Variants in FHIT observed in about 807,000 individuals in gnomAD.
FHIT encodes bis(5'-adenosyl)-triphosphatase.
In FHIT, 19 loss-of-function variants were observed where a neutral mutation model predicts 17.9. The observed-to-expected ratio is 1.06, with a 90% confidence interval of 0.74 to 1.56. FHIT has a LOEUF of 1.56. Among genes scored for constraint, FHIT ranks in the 40% most tolerant of loss-of-function variants. FHIT has a pLI of 0.00. For synonymous variants in FHIT, 81 were observed against 69.7 expected (o/e 1.16, Z -0.81); for missense variants, 248 against 189.2 (o/e 1.31, Z -1.82).
intron 5 of FHIT, among the ~76,000 whole-genome samples, chr3:60,133,105 G>A (rs907930075): frequency 2.0e-5 from 3 of 152,044 alleles, no homozygotes; most frequent in Non-Finnish European, 2.9e-5. Flanking sequence ...ATGGAAATCC[G>A]GTGGTCTTTA....
rs187454408 is a variant in FHIT at position 61,223,454 on chromosome 3, C to G, written c.-212-22789G>C. 1.5e-4 allele frequency among the ~76,000 whole-genome samples: 23 copies of G among 152,356 alleles called. No homozygotes were observed. The East Asian group carries it at 4.0e-3, about 27-fold the overall frequency. ...AAACTGTCCTCATTTCATGTGCGAG[C>G]TCAAAGTTAAATACTTACTGCCCCT... On this transcript the variant is annotated intron_variant, in intron 1 of 9. Transcript: ENST00000492590.
chr3:60,410,137 C>T (rs1702010238), intron 5 of FHIT, among the ~76,000 whole-genome samples: 1 of 151,976 alleles, frequency 6.6e-6, no homozygotes, highest in African/African-American at 2.4e-5. Context: ...AAAGTGATGC[C>T]ACGTTTTGAT....
chr3:61,107,424 A>C (rs1194938943), intron 2 of FHIT, among the ~76,000 whole-genome samples: 1 of 152,208 alleles, frequency 6.6e-6, no homozygotes, highest in Non-Finnish European at 1.5e-5. Context: ...GAATAATGCT[A>C]CAATAAACAT....
intron 4 of FHIT, among the ~76,000 whole-genome samples, chr3:60,727,118 C>G (rs1397313817): frequency 3.9e-5 from 6 of 152,038 alleles, no homozygotes; most frequent in Non-Finnish European, 8.8e-5. Flanking sequence ...CTTTATCATT[C>G]TTAAATAAAA....
intron 5 of FHIT, among the ~76,000 whole-genome samples, chr3:60,337,710 A>C (rs1197145842): frequency 6.6e-6 from 1 of 152,154 alleles, no homozygotes; most frequent in African/African-American, 2.4e-5. Flanking sequence ...CCTGGGAGAG[A>C]GTACTGAAAT....
chr3:59,886,015 G>A (rs547713082), intron 8 of FHIT, among the ~76,000 whole-genome samples: 2 of 152,306 alleles, frequency 1.3e-5, no homozygotes, highest in Non-Finnish European at 2.9e-5. Context: ...AGACACATTT[G>A]GGGAACACCA....
At chr3:60,130,476 C>G (rs750570483) in intron 5 of FHIT, among the ~76,000 whole-genome samples, 3 of 151,986 alleles carry the variant, frequency 2.0e-5, no homozygotes, top group African/African-American at 7.2e-5. Context: ...CATTTCACAC[C>G]TGATGGGATA....
rs138763977 is a variant in FHIT at position 60,521,554 on chromosome 3, A to T, written c.103+15306T>A. Among the ~76,000 whole-genome samples the T allele has an allele frequency of 2.1e-3, 324 of 152,250 alleles. 6 individuals carry two copies. The East Asian group carries it at 0.037, about 17-fold the overall frequency. On this transcript the variant is annotated intron_variant, in intron 5 of 9. Transcript: ENST00000492590. ...GAGCCACTGTGCCCGGCCAAAAGTTATAATTATTATACCATGCTTCCAATA... is the reference window on the plus strand; with the variant it reads ...GAGCCACTGTGCCCGGCCAAAAGTTTTAATTATTATACCATGCTTCCAATA...
chr3:60,221,305 T>C (rs1229970218), intron 5 of FHIT, among the ~76,000 whole-genome samples: 1 of 152,042 alleles, frequency 6.6e-6, no homozygotes, highest in African/African-American at 2.4e-5. Flanking sequence ...GCAGAACAAC[T>C]CATAATAGTA....
At chr3:60,058,464 T>C (rs1702174496) in intron 5 of FHIT, among the ~76,000 whole-genome samples, 3 of 152,198 alleles carry the variant, frequency 2.0e-5, no homozygotes, top group African/African-American at 7.2e-5. Flanking sequence ...CAGAAACTTC[T>C]GGAGTTGGAT....
chr3:60,595,617 GTA>G (rs200932842), intron 4 of FHIT, among the ~76,000 whole-genome samples: 2 of 124,088 alleles, frequency 1.6e-5, no homozygotes, highest in African/African-American at 3.8e-5. Flanking sequence ...ATATATGTGT[GTA>G]TGTATATATG....
At chr3:60,527,064 C>T (rs1174379638) in intron 5 of FHIT, among the ~76,000 whole-genome samples, 1 of 152,118 alleles carries the variant, frequency 6.6e-6, no homozygotes. Flanking sequence ...GCATCTGTCC[C>T]CACATGTCAG....
chr3:60,927,691 G>A (rs1707710563), intron 3 of FHIT, among the ~76,000 whole-genome samples: 1 of 151,700 alleles, frequency 6.6e-6, no homozygotes, highest in Non-Finnish European at 1.5e-5. Flanking sequence ...TGGGAGGTGG[G>A]GAGCACCCCC....
At chr3:60,087,479 C>T (rs868380374) in intron 5 of FHIT, among the ~76,000 whole-genome samples, 25 of 152,202 alleles carry the variant, frequency 1.6e-4, no homozygotes, top group African/African-American at 5.8e-4. Flanking sequence ...TTACACTCTG[C>T]TTCGCTTTTA....
At chr3:60,494,008 T>C (rs558140119) in intron 5 of FHIT, among the ~76,000 whole-genome samples, 11 of 152,258 alleles carry the variant, frequency 7.2e-5, no homozygotes, top group Admixed American at 7.2e-4. Flanking sequence ...GAATGTATCT[T>C]TGTCCATTAA....
intron 3 of FHIT, among the ~76,000 whole-genome samples, chr3:60,906,860 T>C (rs540137325): frequency 1.3e-3 from 193 of 152,306 alleles, no homozygotes; most frequent in African/African-American, 4.5e-3. Flanking sequence ...ATAAGACATA[T>C]AATTTACTTT....
intron 5 of FHIT, among the ~76,000 whole-genome samples, chr3:60,096,358 G>A (rs572998756): frequency 1.3e-5 from 2 of 152,316 alleles, no homozygotes; most frequent in African/African-American, 2.4e-5. Context: ...CTCAGAATAG[G>A]GGAGGGGCAG....
rs145062821 is a variant in FHIT at position 61,168,175 on chromosome 3, T to A, written c.-164+32442A>T. Among the ~76,000 whole-genome samples, 1,005 of 152,266 alleles carry A rather than the reference T, an allele frequency of 6.6e-3. 10 individuals carry two copies. Among genetic ancestry groups the A allele is most frequent in the Non-Finnish European group, 8.3e-3 (566 of 68,008 alleles). On this transcript the variant is annotated intron_variant, in intron 2 of 9. Coordinates refer to ENST00000492590, the MANE Select transcript of FHIT (RefSeq NM_002012.4). Reference sequence around the variant, plus strand: ...CAGATTTCCATACCAATAAATAAAATGCCATTGGTACACAGCCACATTTAC... The same window carrying A: ...CAGATTTCCATACCAATAAATAAAAAGCCATTGGTACACAGCCACATTTAC...
chr3:60,030,640 T>C (rs1700960738), intron 5 of FHIT, among the ~76,000 whole-genome samples: 1 of 152,212 alleles, frequency 6.6e-6, no homozygotes, highest in Admixed American at 6.5e-5. Flanking sequence ...CAGGAATGTC[T>C]GCTTCTCAGC....
Sources: allele counts gnomAD v4.1 joint callset (sites outside exome capture counted in the v4.1 genomes callset), GRCh38; gene constraint gnomAD v4.1.1; transcripts MANE v1.5; gene names NCBI Gene and HGNC (gene_info 2026-07-23, HGNC 2026-07-21).